Variants in DCDC2 observed in about 807,000 individuals in gnomAD.
DCDC2 encodes the protein doublecortin domain containing 2.
DCDC2 carries 40 observed loss-of-function variants against 50.2 expected under a neutral mutation model. That is an observed-to-expected ratio of 0.80 (90% CI 0.62 to 1.04). The LOEUF (loss-of-function observed/expected upper bound fraction) is 1.04. DCDC2 is among the 50% of genes least tolerant of loss of function. The pLI is 0.00. For missense variants in DCDC2, 570 were observed against 581.9 expected, an observed-to-expected ratio of 0.98 and a Z score of 0.21; for synonymous variants, 234 against 210.6, an observed-to-expected ratio of 1.11 and a Z score of -0.96.
At chr6:24,369,618 A>C in the DCDC2 span, among the ~76,000 whole-genome samples, 12 of 152,264 alleles carry the variant, frequency 7.9e-5, no homozygotes, top group Non-Finnish European at 1.8e-4. Context: ...CAAAAAAAAA[A>C]ATAGACATAC....
At chr6:24,280,760 G>C (rs1165067932) in intron 6 of DCDC2, among the ~76,000 whole-genome samples, 1 of 152,038 alleles carries the variant, frequency 6.6e-6, no homozygotes, top group South Asian at 2.1e-4. Context: ...GGCTGATCTT[G>C]AACTCCTGAC....
At chr6:24,301,107 C>T (rs905517109) in intron 4 of DCDC2, among the ~76,000 whole-genome samples, 1 of 150,856 alleles carries the variant, frequency 6.6e-6, no homozygotes, top group Admixed American at 6.6e-5. Flanking sequence ...CTTGGTGGCT[C>T]AAGCCTGTAA....
intron 8 of DCDC2, among the ~76,000 whole-genome samples, chr6:24,188,536 GTTT>G (rs955455087): frequency 1.3e-5 from 2 of 152,052 alleles, no homozygotes; most frequent in South Asian, 2.1e-4. Flanking sequence ...AATCAGAAAG[GTTT>G]TTTTATATTT....
intron 7 of DCDC2, among the ~76,000 whole-genome samples, chr6:24,208,905 G>C (rs911945491): frequency 3.9e-5 from 6 of 152,112 alleles, no homozygotes; most frequent in African/African-American, 1.4e-4. Context: ...TTTTGGCATT[G>C]TCTGCAAGTA....
chr6:24,240,699 T>G (rs938154306), intron 7 of DCDC2, among the ~76,000 whole-genome samples: 1 of 152,252 alleles, frequency 6.6e-6, no homozygotes, highest in Non-Finnish European at 1.5e-5. Flanking sequence ...ACACATTTAA[T>G]AGCATCACGC....
intron 7 of DCDC2, among the ~76,000 whole-genome samples, chr6:24,268,945 T>A (rs72830859): frequency 0.092 from 14,023 of 152,262 alleles, 810 homozygotes; most frequent in East Asian, 0.17. Flanking sequence ...TATCATCCAA[T>A]TGTATAAAAT....
chr6:24,278,409 G>T (rs1763406632), intron 6 of DCDC2, among the ~76,000 whole-genome samples, 198 bp from the exon 7 acceptor site: 1 of 152,070 alleles, frequency 6.6e-6, no homozygotes, highest in Non-Finnish European at 1.5e-5. Flanking sequence ...GAGGAAGGAG[G>T]ATAAAAATAA....
At chr6:24,271,574 G>A (rs1490527193) in intron 7 of DCDC2, among the ~76,000 whole-genome samples, 1 of 152,138 alleles carries the variant, frequency 6.6e-6, no homozygotes, top group African/African-American at 2.4e-5. Context: ...AAACCCAGAT[G>A]GATCCCTGAC....
chr6:24,220,879 A>AGAGCGAGAGAGTGAGCGAGCGAGCGAGT (rs1762089412), intron 7 of DCDC2, among the ~76,000 whole-genome samples: 1 of 106,978 alleles, frequency 9.3e-6, no homozygotes, highest in African/African-American at 4.6e-5. Flanking sequence ...CAAGAGAGCG[A>AGAGCGAGAGAGTGAGCGAGCGAGCGAGT]GAGCGAGAGA....
intron 2 of DCDC2, among the ~76,000 whole-genome samples, chr6:24,317,485 C>G (rs1759693535): frequency 6.6e-6 from 1 of 151,866 alleles, no homozygotes; most frequent in African/African-American, 2.4e-5. Flanking sequence ...ATACTATAGA[C>G]AAGAATGAAC....
chr6:24,226,371 T>G (rs1762234714), intron 7 of DCDC2, among the ~76,000 whole-genome samples: 1 of 152,210 alleles, frequency 6.6e-6, no homozygotes. Context: ...AATGAAGTTT[T>G]CCCAGAGAAA....
chr6:24,261,428 C>T (rs1425833411), intron 7 of DCDC2, among the ~76,000 whole-genome samples: 2 of 151,986 alleles, frequency 1.3e-5, no homozygotes, highest in South Asian at 4.2e-4. Context: ...AATCTCTTCT[C>T]TGGCCAGAGA....
chr6:24,379,972 T>G, the DCDC2 span, among the ~76,000 whole-genome samples: 2 of 134,702 alleles, frequency 1.5e-5, no homozygotes, highest in African/African-American at 5.7e-5. Flanking sequence ...TTCTCACTCA[T>G]AAGTAGGAGT....
intron 7 of DCDC2, among the ~76,000 whole-genome samples, chr6:24,211,224 A>G (rs1377155992): frequency 6.6e-6 from 1 of 152,268 alleles, no homozygotes; most frequent in Non-Finnish European, 1.5e-5. Flanking sequence ...CTTAGCCACT[A>G]GCCCAGTGCA....
chr6:24,325,578 T>C (rs929125223), intron 2 of DCDC2, among the ~76,000 whole-genome samples: 1 of 149,634 alleles, frequency 6.7e-6, no homozygotes, highest in Non-Finnish European at 1.5e-5. Context: ...AGCATCATCA[T>C]GTTCTCTTAG....
intron 7 of DCDC2, among the ~76,000 whole-genome samples, chr6:24,251,611 T>G (rs543578906): frequency 6.6e-5 from 10 of 152,284 alleles, no homozygotes; most frequent in African/African-American, 2.4e-4. Flanking sequence ...TGGCTTCAGC[T>G]CTCTGGTCTT....
chr6:24,380,682 T>C, the DCDC2 span, among the ~76,000 whole-genome samples: 1 of 152,204 alleles, frequency 6.6e-6, no homozygotes, highest in African/African-American at 2.4e-5. Flanking sequence ...TAATACACTA[T>C]AGTTACAGAA....
At chr6:24,362,377 T>TACAATTATTTTTTATTTAATTGTATATTG (rs1561790898), upstream of DCDC2, among the ~76,000 whole-genome samples, 10 of 34,286 alleles carry the variant, frequency 2.9e-4, no homozygotes, top group East Asian at 2.6e-3. Flanking sequence ...ATTGTATGTT[T>TACAATTATTTTTTATTTAATTGTATATTG]ATACAATTAT....
chr6:24,289,531 A>G (rs1763693417), intron 5 of DCDC2, among the ~76,000 whole-genome samples: 1 of 152,248 alleles, frequency 6.6e-6, no homozygotes, highest in Non-Finnish European at 1.5e-5. Flanking sequence ...AGAAAGGCCA[A>G]CGTGAGTTAC....
Sources: allele counts gnomAD v4.1 joint callset (sites outside exome capture counted in the v4.1 genomes callset), GRCh38; gene constraint gnomAD v4.1.1; transcripts MANE v1.5; gene names NCBI Gene and HGNC (gene_info 2026-07-23, HGNC 2026-07-21).